The following STAU2 variants were observed in gnomAD, a reference collection of about 807,000 sequenced individuals.
STAU2 encodes the protein staufen double-stranded RNA binding protein 2.
In STAU2, 20 loss-of-function variants were observed where a neutral mutation model predicts 65.9. That is an observed-to-expected ratio of 0.30 (90% CI 0.21 to 0.44). STAU2 has a LOEUF of 0.44. Ranked by LOEUF, STAU2 falls within the 20% of genes least tolerant of loss-of-function variation. The pLI is 1.00. For synonymous variants in STAU2, 232 were observed against 233.9 expected, an observed-to-expected ratio of 0.99 and a Z score of 0.07; for missense variants, 558 against 683.9, an observed-to-expected ratio of 0.82 and a Z score of 2.05.
chr8:73,426,234 T>A (rs1816816669), intron 13 of STAU2, among the ~76,000 whole-genome samples: 1 of 151,994 alleles, frequency 6.6e-6, no homozygotes, highest in African/African-American at 2.4e-5. Context: ...AATGTTGCAA[T>A]ACACATAATG....
At chr8:73,680,634 A>G (rs374543360) in intron 5 of STAU2, among the ~76,000 whole-genome samples, 2 of 152,166 alleles carry the variant, frequency 1.3e-5, no homozygotes, top group South Asian at 4.1e-4. Flanking sequence ...ATTACCAGAA[A>G]AAGAATTCAG....
At chr8:73,584,647 A>T (rs1453593809) in intron 11 of STAU2, among the ~76,000 whole-genome samples, 1 of 152,230 alleles carries the variant, frequency 6.6e-6, no homozygotes, top group African/African-American at 2.4e-5. Flanking sequence ...GAGAGAAAAA[A>T]GAAGCTAAAG....
intron 13 of STAU2, among the ~76,000 whole-genome samples, chr8:73,457,146 C>G (rs1415984233): frequency 1.3e-5 from 2 of 152,180 alleles, no homozygotes; most frequent in Non-Finnish European, 2.9e-5. Context: ...GAAACGATGA[C>G]TGTGCAGTCA....
At chr8:73,568,823 A>C (rs1183662559) in intron 12 of STAU2, among the ~76,000 whole-genome samples, 1 of 152,212 alleles carries the variant, frequency 6.6e-6, no homozygotes, top group Non-Finnish European at 1.5e-5. Context: ...TAAGAGTTCC[A>C]GAAGATAACT....
At chr8:73,583,794 T>TA (rs1810169207) in intron 11 of STAU2, among the ~76,000 whole-genome samples, 1 of 152,190 alleles carries the variant, frequency 6.6e-6, no homozygotes, top group South Asian at 2.1e-4. Flanking sequence ...GCCAAATGAT[T>TA]AGTGTTTGGT....
intron 12 of STAU2, among the ~76,000 whole-genome samples, chr8:73,579,757 C>T (rs1402454419): frequency 6.6e-6 from 1 of 152,178 alleles, no homozygotes; most frequent in Non-Finnish European, 1.5e-5. Flanking sequence ...AGTCTACCTT[C>T]TGCTGCATTT....
chr8:73,444,144 C>T (rs1563595716), intron 13 of STAU2, among the ~76,000 whole-genome samples: 3 of 152,244 alleles, frequency 2.0e-5, no homozygotes, highest in South Asian at 4.2e-4. Context: ...CTGCGGCTCA[C>T]GTCTGTAATT....
chr8:73,603,937 C>T, intron 9 of STAU2, 74 bp from the exon 10 acceptor site: 6 of 1,460,122 alleles, frequency 4.1e-6, no homozygotes, highest in Non-Finnish European at 5.5e-6. Context: ...AGAAACAGTG[C>T]TTCTTCCCTC....
chr8:73,439,224 T>C, intron 13 of STAU2: 1 of 354,514 alleles, frequency 2.8e-6, no homozygotes, highest in Non-Finnish European at 5.6e-6. Flanking sequence ...CACCGTGAGC[T>C]GGCAGGAGCT....
chr8:73,597,669 CAAAAAA>C (rs34461371), intron 10 of STAU2, among the ~76,000 whole-genome samples: 1 of 55,876 alleles, frequency 1.8e-5, no homozygotes, highest in African/African-American at 7.0e-5. Context: ...GTCTCTGTCT[CAAAAAA>C]AAAAAAAAAA....
intron 12 of STAU2, among the ~76,000 whole-genome samples, chr8:73,557,715 T>C (rs141840446): frequency 9.2e-5 from 14 of 152,358 alleles, no homozygotes; most frequent in Admixed American, 3.3e-4. Flanking sequence ...TGTGCCTTCT[T>C]TGACCTCAAT....
intron 13 of STAU2, among the ~76,000 whole-genome samples, chr8:73,537,880 T>C (rs1276375824): frequency 6.6e-6 from 1 of 152,156 alleles, no homozygotes; most frequent in South Asian, 2.1e-4. Context: ...TAAAAGCATG[T>C]AGAGGAAACA....
intron 13 of STAU2, among the ~76,000 whole-genome samples, chr8:73,442,984 T>C (rs980882369): frequency 2.0e-5 from 3 of 152,156 alleles, no homozygotes; most frequent in African/African-American, 7.2e-5. Context: ...ATTTATAAAT[T>C]TGGGGCAAAA....
intron 1 of STAU2, chr8:73,742,348 C>T (rs1806944001): frequency 2.1e-6 from 1 of 474,788 alleles, no homozygotes; most frequent in Non-Finnish European, 2.7e-6. Context: ...GCCTGGCGAA[C>T]ACGGCAAAAT....
At chr8:73,523,251 T>C (rs1823154939) in intron 13 of STAU2, among the ~76,000 whole-genome samples, 1 of 147,960 alleles carries the variant, frequency 6.8e-6, no homozygotes, top group Non-Finnish European at 1.5e-5. Flanking sequence ...AACTAATCAC[T>C]GGCATTTGGA....
At chr8:73,589,499 A>G (rs1810614062) in intron 11 of STAU2, among the ~76,000 whole-genome samples, 1 of 152,234 alleles carries the variant, frequency 6.6e-6, no homozygotes, top group Admixed American at 6.5e-5. Context: ...ATACATGAGC[A>G]TATGGGGAAT....
chr8:73,590,869 A>C (rs536049480), intron 11 of STAU2: 1 of 153,846 alleles, frequency 6.5e-6, no homozygotes, highest in African/African-American at 2.4e-5. Flanking sequence ...TGCCATGAGG[A>C]AAGCAGCTGC....
At chr8:73,564,537 C>A (rs927811345) in intron 12 of STAU2, among the ~76,000 whole-genome samples, 1 of 151,808 alleles carries the variant, frequency 6.6e-6, no homozygotes, top group Non-Finnish European at 1.5e-5. Context: ...GGTAGAGGAT[C>A]AGGAAAAATA....
intron 13 of STAU2, among the ~76,000 whole-genome samples, chr8:73,500,850 A>T (rs532949981): frequency 6.6e-6 from 1 of 152,076 alleles, no homozygotes; most frequent in South Asian, 2.1e-4. Context: ...AATATAAAGG[A>T]ATTTGCACAA....
Sources: allele counts gnomAD v4.1 joint callset (sites outside exome capture counted in the v4.1 genomes callset), GRCh38; gene constraint gnomAD v4.1.1; transcripts MANE v1.5; gene names NCBI Gene and HGNC (gene_info 2026-07-23, HGNC 2026-07-21).